Variants in EFL1 observed in about 807,000 individuals in gnomAD.
The protein encoded by EFL1 is elongation factor-like GTPase 1.
EFL1 carries 76 observed loss-of-function variants against 126.7 expected under a neutral mutation model. The observed-to-expected ratio is 0.60, with a 90% CI of 0.50 to 0.73. The LOEUF (loss-of-function observed/expected upper bound fraction) is 0.73. Ranked by LOEUF, EFL1 falls within the 30% of genes least tolerant of loss-of-function variation. The pLI is 0.00. For synonymous variants in EFL1, 410 were observed against 448.4 expected (o/e 0.91, Z 1.08); for missense variants, 1,128 against 1,343.2 (o/e 0.84, Z 2.50).
At chr15:82,135,535 C>T (rs961201694) in intron 19 of EFL1, among the ~76,000 whole-genome samples, 3 of 152,136 alleles carry the variant, frequency 2.0e-5, no homozygotes, top group African/African-American at 7.2e-5. Context: ...TTAGACTTTG[C>T]AGGCCATATA....
intron 15 of EFL1, among the ~76,000 whole-genome samples, chr15:82,214,042 A>G (rs937851650): frequency 1.3e-5 from 2 of 152,198 alleles, no homozygotes; most frequent in Admixed American, 6.5e-5. Context: ...AAACCAAGCA[A>G]TCACTCAATA....
chr15:82,232,671 A>G (rs2074834333), intron 7 of EFL1, among the ~76,000 whole-genome samples: 1 of 152,180 alleles, frequency 6.6e-6, no homozygotes, highest in Non-Finnish European at 1.5e-5. Flanking sequence ...CTCTCTTTTC[A>G]TTCACATTTG....
intron 7 of EFL1, 124 bp downstream of exon 7, chr15:82,238,183 T>G: frequency 9.5e-7 from 1 of 1,051,872 alleles, no homozygotes; most frequent in South Asian, 1.7e-5. Context: ...ACCAGAGAAC[T>G]CTCTGCATTA....
intron 12 of EFL1, among the ~76,000 whole-genome samples, chr15:82,221,738 G>T (rs568521281): frequency 3.0e-4 from 46 of 152,240 alleles, no homozygotes; most frequent in African/African-American, 1.0e-3. Context: ...TGGCACTAGG[G>T]GGCCACACTA....
At chr15:82,207,619 C>CAT (rs898234432) in intron 15 of EFL1, among the ~76,000 whole-genome samples, 1 of 151,540 alleles carries the variant, frequency 6.6e-6, no homozygotes, top group African/African-American at 2.4e-5. Flanking sequence ...AAAAAATATG[C>CAT]ATATATATGG....
At chr15:82,145,041 C>T (rs900342928) in intron 18 of EFL1, among the ~76,000 whole-genome samples, 3 of 149,800 alleles carry the variant, frequency 2.0e-5, no homozygotes, top group East Asian at 2.0e-4. Context: ...CGGTGGCTCA[C>T]GTCTGTAATA....
intron 15 of EFL1, among the ~76,000 whole-genome samples, chr15:82,168,263 C>T (rs1022996223): frequency 3.9e-5 from 6 of 152,212 alleles, no homozygotes; most frequent in African/African-American, 1.4e-4. Flanking sequence ...AATCCACACG[C>T]TTTATAACTC....
intron 4 of EFL1, among the ~76,000 whole-genome samples, chr15:82,250,335 C>T (rs923517849): frequency 8.8e-6 from 1 of 113,228 alleles, no homozygotes; most frequent in Admixed American, 1.0e-4. Flanking sequence ...CCCATGCTCA[C>T]AAGAAACATG....
chr15:82,219,326 C>T (rs899792885), intron 14 of EFL1, among the ~76,000 whole-genome samples: 6 of 152,160 alleles, frequency 3.9e-5, no homozygotes, highest in South Asian at 2.1e-4. Flanking sequence ...TCTCAAAGAC[C>T]GGCCATTGCC....
intron 15 of EFL1, among the ~76,000 whole-genome samples, chr15:82,189,082 C>T (rs573889958): frequency 2.5e-4 from 38 of 152,270 alleles, no homozygotes; most frequent in South Asian, 1.0e-3. Context: ...GCCTACTACA[C>T]ACCTAGGCCA....
intron 18 of EFL1, among the ~76,000 whole-genome samples, chr15:82,141,951 T>G (rs985511950): frequency 6.6e-6 from 1 of 152,190 alleles, no homozygotes; most frequent in African/African-American, 2.4e-5. Flanking sequence ...ATGTTGATAC[T>G]GGGGCATAGT....
chr15:82,216,826 C>T (rs1194010286), intron 14 of EFL1, among the ~76,000 whole-genome samples: 1 of 151,984 alleles, frequency 6.6e-6, no homozygotes, highest in African/African-American at 2.4e-5. Context: ...AATGATAATT[C>T]GAGTACATTT....
intron 15 of EFL1, among the ~76,000 whole-genome samples, chr15:82,176,848 T>C (rs537667804): frequency 3.9e-5 from 6 of 152,334 alleles, no homozygotes; most frequent in African/African-American, 1.4e-4. Context: ...ATATTCATAA[T>C]AGTCAAATAC....
intron 7 of EFL1, among the ~76,000 whole-genome samples, chr15:82,233,059 T>A (rs1384272933): frequency 6.6e-6 from 1 of 152,328 alleles, no homozygotes; most frequent in African/African-American, 2.4e-5. Flanking sequence ...ATCAAAATCA[T>A]AAATTATAGT....
chr15:82,238,278 G>C, intron 7 of EFL1, 29 bp downstream of exon 7: 1 of 1,601,262 alleles, frequency 6.2e-7, no homozygotes, highest in Non-Finnish European at 8.5e-7. Flanking sequence ...AATCTGCAAA[G>C]AGATTTAATC....
chr15:82,138,573 G>A, intron 19 of EFL1, 85 bp downstream of exon 19: 1 of 1,496,854 alleles, frequency 6.7e-7, no homozygotes, highest in African/African-American at 1.4e-5. Flanking sequence ...GGCATGATCT[G>A]TGTTGTTTGC....
chr15:82,198,400 C>T (rs764840654), intron 15 of EFL1, among the ~76,000 whole-genome samples: 10 of 152,262 alleles, frequency 6.6e-5, no homozygotes, highest in Middle Eastern at 3.4e-3. Flanking sequence ...CGAGGCACAG[C>T]CAAGTGAGCT....
intron 15 of EFL1, among the ~76,000 whole-genome samples, chr15:82,192,787 A>T (rs1360789810): frequency 6.6e-6 from 1 of 152,220 alleles, no homozygotes; most frequent in Non-Finnish European, 1.5e-5. Flanking sequence ...AGAGCTCAAT[A>T]CATATCTGTT....
intron 2 of EFL1, among the ~76,000 whole-genome samples, chr15:82,260,498 T>TTTTA (rs1314870447): frequency 2.6e-5 from 4 of 152,216 alleles, no homozygotes. Context: ...CTTTCTCATG[T>TTTTA]TTTATTTGAT....
Sources: allele counts gnomAD v4.1 joint callset (sites outside exome capture counted in the v4.1 genomes callset), GRCh38; gene constraint gnomAD v4.1.1; transcripts MANE v1.5; gene names NCBI Gene and HGNC (gene_info 2026-07-23, HGNC 2026-07-21).